The following FBN1 variants were observed in gnomAD, a reference collection of about 807,000 sequenced individuals.
FBN1 encodes fibrillin-1.
In FBN1, 29 loss-of-function variants were observed where a neutral mutation model predicts 365.1. That is an observed-to-expected ratio of 0.08 (90% confidence interval 0.06 to 0.11). The LOEUF (loss-of-function observed/expected upper bound fraction) is 0.11. Ranked by LOEUF, FBN1 falls within the 10% of genes least tolerant of loss-of-function variation. The pLI, the probability that FBN1 is intolerant of heterozygous loss-of-function variation, is 1.00. For synonymous variants in FBN1, 1,210 were observed against 1,270.5 expected (o/e 0.95, Z 1.01); for missense variants, 2,476 against 3,703.2 (o/e 0.67, Z 8.60).
In FBN1 at chr15:48,495,665, T is replaced by G. The variant is rs915409920; in HGVS notation, c.2420-77A>C. 6 of 1,567,794 alleles carry G rather than the reference T, an allele frequency of 3.8e-6. 1 individual carries two copies. The East Asian group carries it at 1.3e-4, about 35-fold the overall frequency. On this transcript the variant is annotated intron_variant, in intron 20 of 65. Transcript: ENST00000316623. ...AAGAGTACTTCAACTTTGACCCCAA[T>G]TGCTACTACATATCCTTAATCCCAC...
chr15:48,479,691 C>A (rs972948445), intron 32 of FBN1, among the ~76,000 whole-genome samples: 2 of 152,190 alleles, frequency 1.3e-5, no homozygotes, highest in African/African-American at 4.8e-5. Flanking sequence ...CTGTTCTTAA[C>A]GTAAAGCTGG....
At chr15:48,466,079 C>T (rs556478874) in intron 38 of FBN1, among the ~76,000 whole-genome samples, 24 of 152,310 alleles carry the variant, frequency 1.6e-4, no homozygotes, top group African/African-American at 5.8e-4. Flanking sequence ...GTCCTCAGTC[C>T]TTGAACTCTA....
At chr15:48,596,200 C>T (rs1161349132) in intron 6 of FBN1, 83 bp downstream of exon 6, 5 of 1,197,300 alleles carry the variant, frequency 4.2e-6, no homozygotes, top group Middle Eastern at 1.9e-4. Flanking sequence ...AGGAAGTAGC[C>T]ATGCAGACCC....
At chr15:48,558,018 T>C (rs994619112) in intron 6 of FBN1, among the ~76,000 whole-genome samples, 3 of 152,128 alleles carry the variant, frequency 2.0e-5, no homozygotes, top group Non-Finnish European at 4.4e-5. Context: ...TTCCTATTTT[T>C]TAAAAACTCT....
Position 48,492,482 on chromosome 15 carries a change from C to A in FBN1, c.2833G>T (p.Ala945Ser), listed in dbSNP as rs1216969896. ...TTACCAAGACAGATCCTTCCTGTGG[C>A]ATCCAAAGTCATTCCACTGGGACAC... The part of the protein sequence containing the change: ...CQCPSGMTLD[A>S]TGRICLDIRL... Residue 945 changes from alanine (A) to serine (S), a missense_variant, in exon 24 of 66, where the codon GCC becomes TCC. By Grantham distance (99) the Ala-to-Ser change is moderately conservative. This residue lies in a region of FBN1 where 1,780 missense variants were observed against 2,840.8 expected (regional missense o/e 0.63). Coordinates refer to ENST00000316623, the MANE Select transcript of FBN1 (RefSeq NM_000138.5). The A allele has an allele frequency of 6.2e-7, 1 of 1,613,550 alleles. No individual in the cohort carries two copies. The highest frequency in any genetic ancestry group is 2.2e-5 in the East Asian group (1 of 44,868).
chr15:48,490,998 C>T (rs900263861), intron 24 of FBN1, among the ~76,000 whole-genome samples: 4 of 152,158 alleles, frequency 2.6e-5, no homozygotes, highest in South Asian at 2.1e-4. Context: ...TTTCCTCTAA[C>T]GTTAGAAAGT....
chr15:48,468,588 A>G (rs2043342411), intron 36 of FBN1, 54 bp from the exon 37 acceptor site: 1 of 1,606,526 alleles, frequency 6.2e-7, no homozygotes, highest in South Asian at 1.1e-5. Context: ...GTAGGCAGAC[A>G]TCACCATAAA....
intron 6 of FBN1, among the ~76,000 whole-genome samples, chr15:48,595,999 C>A (rs2044512402): frequency 6.6e-6 from 1 of 152,190 alleles, no homozygotes; most frequent in Non-Finnish European, 1.5e-5. Context: ...CCCTTTTTAT[C>A]CTGATGCCAA....
chr15:48,636,662 C>T (rs187337500), intron 2 of FBN1, among the ~76,000 whole-genome samples: 1 of 152,180 alleles, frequency 6.6e-6, no homozygotes, highest in Non-Finnish European at 1.5e-5. Flanking sequence ...CCTTTATTCC[C>T]CTCCTCAGTG....
intron 2 of FBN1, among the ~76,000 whole-genome samples, chr15:48,626,653 C>T (rs1473892375): frequency 1.3e-5 from 2 of 151,626 alleles, no homozygotes; most frequent in Admixed American, 6.6e-5. Flanking sequence ...ATGCAGTTTG[C>T]TGAGATTATT....
intron 49 of FBN1, among the ~76,000 whole-genome samples, chr15:48,443,656 C>A (rs915713681): frequency 6.6e-6 from 1 of 152,076 alleles, no homozygotes; most frequent in Non-Finnish European, 1.5e-5. Flanking sequence ...TAGATGCAGA[C>A]CTGTTTAAAG....
At position 48,474,489 on chromosome 15, in the gene FBN1, C is replaced by T. The variant is rs768679110; in HGVS notation, c.4087+39G>A. 10 of 1,613,890 alleles carry T rather than the reference C, an allele frequency of 6.2e-6. No homozygotes were observed. The African/African-American group carries it at 1.3e-4, about 22-fold the overall frequency. The stretch of plus-strand genomic sequence containing the variant: ...AATATTTTCATATGTGTAATCTATG[C>T]AGTCCTTGATAAGCAACCTCTGTTA... On this transcript the variant is annotated intron_variant, in intron 33 of 65. Coordinates refer to ENST00000316623, the MANE Select transcript of FBN1 (RefSeq NM_000138.5).
chr15:48,566,132 G>T (rs2044257223), intron 6 of FBN1, among the ~76,000 whole-genome samples: 1 of 152,184 alleles, frequency 6.6e-6, no homozygotes, highest in South Asian at 2.1e-4. Context: ...ATCATCTGTA[G>T]TAAGAATAGC....
intron 8 of FBN1, among the ~76,000 whole-genome samples, chr15:48,527,860 T>G (rs567786665): frequency 2.0e-5 from 3 of 152,340 alleles, no homozygotes; most frequent in South Asian, 2.1e-4. Context: ...TTCTGACAGA[T>G]AGAAATTTCA....
intron 13 of FBN1, 45 bp from the exon 14 acceptor site, chr15:48,510,214 G>A (rs370761707): frequency 6.3e-7 from 1 of 1,596,460 alleles, no homozygotes; most frequent in African/African-American, 1.3e-5. Context: ...ATTTAGGGGA[G>A]TTAAAATTAT....
intron 2 of FBN1, among the ~76,000 whole-genome samples, chr15:48,632,035 G>A (rs921434135): frequency 1.3e-5 from 2 of 152,162 alleles, no homozygotes; most frequent in African/African-American, 4.8e-5. Context: ...AGAGTTGAGG[G>A]GGTGCATATT....
intron 6 of FBN1, among the ~76,000 whole-genome samples, chr15:48,582,120 C>G (rs2044398110): frequency 6.6e-6 from 1 of 152,200 alleles, no homozygotes; most frequent in Non-Finnish European, 1.5e-5. Flanking sequence ...AGGGAAAAAA[C>G]TATCGGCTAA....
rs767185038 is a variant in FBN1 at position 48,463,951 on chromosome 15, G to A, written c.5013C>T (p.Thr1671=). 4 of 1,613,832 alleles carry A rather than the reference G, an allele frequency of 2.5e-6. No homozygotes were observed. The Admixed American group carries it at 5.0e-5, about 20-fold the overall frequency. ...GTCYNTVGNY[T]CICPPDYMQV... is the part of the protein sequence containing the mutation. ...GCATGTAGTCTGGAGGACAGATACA[G>A]GTGTAGTTGCCAACGGTGTTGTAAC... Residue 1671 remains threonine (T), a synonymous_variant, in exon 41 of 66, where the codon ACC becomes ACT. Coordinates refer to ENST00000316623, the MANE Select transcript of FBN1 (RefSeq NM_000138.5).
At chr15:48,504,531 A>T (rs1201921305) in intron 16 of FBN1, among the ~76,000 whole-genome samples, 1 of 152,224 alleles carries the variant, frequency 6.6e-6, no homozygotes, top group African/African-American at 2.4e-5. Flanking sequence ...TGGCTTACTG[A>T]GTACCTTTCT....
Sources: allele counts gnomAD v4.1 joint callset (sites outside exome capture counted in the v4.1 genomes callset), GRCh38; gene constraint gnomAD v4.1.1; regional missense constraint gnomAD v4.1.1; transcripts MANE v1.5; gene names NCBI Gene and HGNC (gene_info 2026-07-23, HGNC 2026-07-21).